SETD3: variants seen among roughly 807,000 people sequenced by gnomAD.
SETD3 encodes the protein SET domain containing 3, actin N3(tau)-histidine methyltransferase.
Under a neutral mutation model 63.0 loss-of-function variants are expected in SETD3, and 19 were observed. The ratio of observed to expected loss-of-function variants is 0.30; its 90% CI spans 0.21 to 0.44. The LOEUF is 0.44. SETD3 is among the 20% of genes least tolerant of loss of function. SETD3 has a pLI of 1.00. For synonymous variants in SETD3, 286 were observed against 264.1 expected, an observed-to-expected ratio of 1.08 and a Z score of -0.80; for missense variants, 587 against 728.5, an observed-to-expected ratio of 0.81 and a Z score of 2.24.
In SETD3 at chr14:99,409,367, A is replaced by C. The variant is rs189241837; in HGVS notation, c.850-2777T>G. 1.8e-3 allele frequency among the ~76,000 whole-genome samples: 277 copies of C among 152,290 alleles called. 2 individuals are homozygous for C. Among genetic ancestry groups the C allele is most frequent in the South Asian group, 0.014 (68 of 4,822 alleles). On this transcript the variant is annotated intron_variant, in intron 8 of 12. Coordinates refer to ENST00000331768, the MANE Select transcript of SETD3 (RefSeq NM_032233.3). ...TGAGAATAGCCCCACAGGAGTCTCAAGTGTGCCCAGGGGAGGGGAGCGGGT... is the reference window on the plus strand; with the variant it reads ...TGAGAATAGCCCCACAGGAGTCTCACGTGTGCCCAGGGGAGGGGAGCGGGT...
chr14:99,448,377 G>A (rs1006017017), intron 6 of SETD3, among the ~76,000 whole-genome samples: 1 of 152,128 alleles, frequency 6.6e-6, no homozygotes, highest in Non-Finnish European at 1.5e-5. Flanking sequence ...CCCTTCTCAC[G>A]CAGTGTCTTC....
Position 99,458,273 on chromosome 14 carries a change from G to T in SETD3, c.675+6C>A, listed in dbSNP as rs201315998. 6.2e-7 allele frequency: 1 copy of T among 1,608,564 alleles called. No homozygotes were observed. Among genetic ancestry groups the T allele is most frequent in the East Asian group, 2.2e-5 (1 of 44,756 alleles). ...ATATATACTTAAATTGCAAACAGCT[G>T]CTCACCTGGATGACTTTATAGAAGT... On this transcript the variant is annotated splice_donor_region_variant and intron_variant, in intron 6 of 12. Transcript: ENST00000331768.
rs543772875 is a variant in SETD3, at chr14:99,453,700, C to T, written c.675+4579G>A. Among the ~76,000 whole-genome samples, 120 of 152,060 alleles carry T rather than the reference C, an allele frequency of 7.9e-4. 1 individual carries two copies. Among genetic ancestry groups the T allele is most frequent in the South Asian group, 2.5e-3 (12 of 4,814 alleles). On this transcript the variant is annotated intron_variant, in intron 6 of 12. Coordinates refer to ENST00000331768, the MANE Select transcript of SETD3 (RefSeq NM_032233.3). The stretch of plus-strand genomic sequence containing the variant: ...AATTAGCTGGGCGTGGTGGTGGGCA[C>T]CTGTTATCCCAGCTACTCAGGAGGC...
In SETD3 at chr14:99,405,343, T is replaced by A; in HGVS notation, c.953A>T (p.Asn318Ile). The A allele has an allele frequency of 6.2e-7, 1 of 1,611,246 alleles. No individual in the cohort carries two copies. Residue 318 changes from asparagine to isoleucine, a missense_variant, in exon 10 of 13, where the codon AAC becomes ATC. By Grantham distance (149) the Asn-to-Ile change is moderately radical (BLOSUM62 -3). Transcript: ENST00000331768. Reference protein sequence around the residue: ...QIYIFYGTRSNAEFVIHSGFF... With the variant: ...QIYIFYGTRSIAEFVIHSGFF... ...ACCACTGTGGATCACAAACTCTGCG[T>A]TGGATCGAGTGCCATAAAAAATGTA... is the stretch of plus-strand genomic sequence containing the variant.
chr14:99,428,920 A>G (rs1480062291), intron 6 of SETD3, among the ~76,000 whole-genome samples: 1 of 152,192 alleles, frequency 6.6e-6, no homozygotes, highest in Non-Finnish European at 1.5e-5. Context: ...TGCAGCAGAC[A>G]GCCCAACTAA....
In SETD3 at chr14:99,453,532, T is replaced by G. The variant is rs555391749; in HGVS notation, c.675+4747A>C. On this transcript the variant is annotated intron_variant, in intron 6 of 12. Coordinates refer to ENST00000331768, the MANE Select transcript of SETD3 (RefSeq NM_032233.3). ...AACTTACTTTAAATCATTAGAAATT[T>G]TCTAATGATTGGCCAGGCGCGGTGG... 9.3e-4 allele frequency among the ~76,000 whole-genome samples: 141 copies of G among 152,218 alleles called. 1 individual carries two copies. The highest frequency in any genetic ancestry group is 1.7e-3 in the Non-Finnish European group (114 of 68,004).
upstream of SETD3, among the ~76,000 whole-genome samples, chr14:99,484,799 G>A (rs1462799430): frequency 6.6e-6 from 1 of 152,242 alleles, no homozygotes; most frequent in Non-Finnish European, 1.5e-5. Context: ...GATATTGGGT[G>A]AGATAATTGA....
intron 8 of SETD3, among the ~76,000 whole-genome samples, chr14:99,407,782 G>A (rs8008307): frequency 0.4 from 60,341 of 151,848 alleles, 12,855 homozygotes; most frequent in East Asian, 0.56. Flanking sequence ...CCCAAGTCAC[G>A]TTATCTGTGC....
chr14:99,478,857 G>A (rs1001015420), intron 1 of SETD3: 1 of 152,176 alleles, frequency 6.6e-6, no homozygotes, highest in African/African-American at 2.4e-5. Flanking sequence ...CAGTGGTTAA[G>A]CTTTAAATAG....
intron 6 of SETD3, among the ~76,000 whole-genome samples, chr14:99,457,434 T>C (rs116161275): frequency 6.6e-6 from 1 of 152,322 alleles, no homozygotes; most frequent in African/African-American, 2.4e-5. Context: ...AGCAATGAAA[T>C]GAGGTTACCA....
chr14:99,419,718 T>G (rs1892477754), intron 6 of SETD3, among the ~76,000 whole-genome samples: 1 of 146,454 alleles, frequency 6.8e-6, no homozygotes, highest in Admixed American at 7.0e-5. Context: ...GAGCTTGCAG[T>G]GAGCCGAGAT....
chr14:99,465,239 C>A (rs550412649), intron 2 of SETD3, among the ~76,000 whole-genome samples: 50 of 152,322 alleles, frequency 3.3e-4, no homozygotes, highest in South Asian at 6.2e-4. Flanking sequence ...CCAAGAGGCA[C>A]GCTGGACTCC....
At chr14:99,441,377 G>A (rs1893801784) in intron 6 of SETD3, among the ~76,000 whole-genome samples, 3 of 152,190 alleles carry the variant, frequency 2.0e-5, no homozygotes, top group African/African-American at 2.4e-5. Context: ...TTCAACCAGC[G>A]CTGCTTGAGC....
chr14:99,446,556 T>C (rs1894139334), intron 6 of SETD3, among the ~76,000 whole-genome samples: 1 of 152,162 alleles, frequency 6.6e-6, no homozygotes, highest in African/African-American at 2.4e-5. Context: ...CTGTATTCCA[T>C]GCCCCTATGG....
chr14:99,416,361 T>C (rs1220689998), intron 6 of SETD3, among the ~76,000 whole-genome samples: 4 of 152,244 alleles, frequency 2.6e-5, no homozygotes, highest in African/African-American at 9.6e-5. Flanking sequence ...TCATACGTTA[T>C]ACAAAAGATA....
chr14:99,398,725 T>C lies in SETD3; in HGVS notation c.1739A>G (p.Asp580Gly). Residue 580 changes from aspartate to glycine, a missense_variant, in exon 13 of 13, where the codon GAC becomes GGC. Coordinates refer to ENST00000331768, the MANE Select transcript of SETD3 (RefSeq NM_032233.3). ...GCTGTCTGAAGAAGATCCTTTGGCG[T>C]CTTCAACTGCTCTTTTACTTTCTTG... ...LNQESKRAVE[D>G]AKGSSSDSTA... 6.2e-7 allele frequency: 1 copy of C among 1,614,220 alleles called. No individual in the cohort carries two copies. The highest frequency in any genetic ancestry group is 8.5e-7 in the Non-Finnish European group (1 of 1,180,040).
At chr14:99,439,258 C>A (rs1188989788) in intron 6 of SETD3, among the ~76,000 whole-genome samples, 1 of 152,226 alleles carries the variant, frequency 6.6e-6, no homozygotes, top group Admixed American at 6.5e-5. Flanking sequence ...TCAAGTTCTT[C>A]CATACATGCC....
intron 6 of SETD3, among the ~76,000 whole-genome samples, chr14:99,437,366 G>GA (rs1429639347): frequency 6.6e-6 from 1 of 152,148 alleles, no homozygotes; most frequent in African/African-American, 2.4e-5. Flanking sequence ...AGGGGTCAGT[G>GA]ACCAGTGCCA....
intron 6 of SETD3, among the ~76,000 whole-genome samples, chr14:99,437,868 G>A (rs1427831093): frequency 1.3e-5 from 2 of 152,066 alleles, no homozygotes; most frequent in Non-Finnish European, 2.9e-5. Context: ...ATTCACTTGA[G>A]GCAGTACCTG....
Sources: gnomAD v4.1 joint callset for allele counts (sites outside exome capture counted in the v4.1 genomes callset) on GRCh38, gnomAD v4.1.1 for gene constraint, MANE v1.5 for transcripts, NCBI Gene and HGNC (gene_info 2026-07-23, HGNC 2026-07-21) for gene names.